Variants in KCNC2 observed in about 807,000 individuals in gnomAD.
KCNC2 encodes the protein voltage-gated potassium channel KCNC2.
A neutral mutation model predicts 44.5 loss-of-function variants in KCNC2; 21 were observed. The ratio of observed to expected loss-of-function variants is 0.47; its 90% CI spans 0.33 to 0.68. The LOEUF (loss-of-function observed/expected upper bound fraction) is 0.68. Among genes scored for constraint, KCNC2 ranks in the 30% least tolerant of loss-of-function variants. The probability of loss-of-function intolerance (pLI) is 0.01; values close to 1 mark genes in which losing one functional copy is unlikely to be tolerated. For synonymous variants in KCNC2, 391 were observed against 339.1 expected, an observed-to-expected ratio of 1.15 and a Z score of -1.68; for missense variants, 589 against 826.2, an observed-to-expected ratio of 0.71 and a Z score of 3.52.
At chr12:75,178,088 T>C (rs1892317667) in intron 2 of KCNC2, among the ~76,000 whole-genome samples, 1 of 152,010 alleles carries the variant, frequency 6.6e-6, no homozygotes, top group Admixed American at 6.6e-5. Context: ...TCCTCTCAAC[T>C]TGCACATTAT....
At chr12:75,096,932 C>A (rs2137158830) in intron 2 of KCNC2, among the ~76,000 whole-genome samples, 1 of 152,004 alleles carries the variant, frequency 6.6e-6, no homozygotes, top group South Asian at 2.1e-4. Context: ...TGAGATATAT[C>A]CACACAAAAC....
chr12:75,055,483 G>A (rs770730756), intron 2 of KCNC2, among the ~76,000 whole-genome samples: 1 of 151,910 alleles, frequency 6.6e-6, no homozygotes, highest in Non-Finnish European at 1.5e-5. Context: ...TTTTCCCTGT[G>A]ATAAGACCAA....
At chr12:75,202,850 A>C (rs1397387262) in intron 2 of KCNC2, among the ~76,000 whole-genome samples, 1 of 150,540 alleles carries the variant, frequency 6.6e-6, no homozygotes, top group Non-Finnish European at 1.5e-5. Flanking sequence ...TATTTGCCAT[A>C]ATCTTGTTTT....
intron 2 of KCNC2, among the ~76,000 whole-genome samples, chr12:75,154,887 C>A (rs1890650770): frequency 6.6e-6 from 1 of 151,914 alleles, no homozygotes; most frequent in African/African-American, 2.4e-5. Context: ...TGCAAGATTT[C>A]TTTTACATTT....
chr12:75,051,417 AAC>A (rs1881160350), intron 2 of KCNC2, 100 bp from the exon 3 acceptor site: 5 of 704,210 alleles, frequency 7.1e-6, no homozygotes. Context: ...AAAAAAGAAT[AAC>A]AGCATATTTA....
chr12:75,092,031 T>A, intron 2 of KCNC2, among the ~76,000 whole-genome samples: 1 of 151,638 alleles, frequency 6.6e-6, no homozygotes, highest in Non-Finnish European at 1.5e-5. Flanking sequence ...ATAACCATGT[T>A]TCTCAAAATG....
At chr12:75,192,410 A>C (rs1276971346) in intron 2 of KCNC2, among the ~76,000 whole-genome samples, 8 of 152,202 alleles carry the variant, frequency 5.3e-5, no homozygotes, top group Non-Finnish European at 1.2e-4. Context: ...TAAAAACTTA[A>C]AGTACACTAA....
At chr12:75,067,903 T>C (rs1489997253) in intron 2 of KCNC2, among the ~76,000 whole-genome samples, 1 of 152,180 alleles carries the variant, frequency 6.6e-6, no homozygotes, top group African/African-American at 2.4e-5. Flanking sequence ...TTTTTTTATG[T>C]TCTCCGTCTT....
chr12:75,150,551 T>C (rs1890317172), intron 2 of KCNC2, among the ~76,000 whole-genome samples: 1 of 151,938 alleles, frequency 6.6e-6, no homozygotes, highest in Non-Finnish European at 1.5e-5. Context: ...AGTTGATCTT[T>C]CCTATAAGCA....
intron 2 of KCNC2, among the ~76,000 whole-genome samples, chr12:75,152,979 G>A (rs1565896199): frequency 6.6e-6 from 1 of 152,070 alleles, no homozygotes; most frequent in South Asian, 2.1e-4. Context: ...ACTGGGTTGG[G>A]GGCGACGTGA....
intron 2 of KCNC2, among the ~76,000 whole-genome samples, chr12:75,169,104 T>C (rs1391519333): frequency 1.3e-5 from 2 of 151,562 alleles, no homozygotes; most frequent in East Asian, 1.9e-4. Flanking sequence ...GGAGCCTTCT[T>C]TTCTGAAGCC....
chr12:75,110,788 A>T (rs1040027560), intron 2 of KCNC2, among the ~76,000 whole-genome samples: 6 of 152,058 alleles, frequency 3.9e-5, no homozygotes, highest in Admixed American at 1.3e-4. Context: ...AAAGTTATAA[A>T]GTTGTAAAGC....
At chr12:75,184,642 G>A (rs1015205368) in intron 2 of KCNC2, among the ~76,000 whole-genome samples, 33 of 152,028 alleles carry the variant, frequency 2.2e-4, no homozygotes, top group African/African-American at 7.2e-4. Context: ...TATGTTGCTT[G>A]ATAAAAAAAA....
chr12:75,074,232 ATTT>A lies in KCNC2; in HGVS notation c.688-22918_688-22916del, dbSNP rs5799196. On this transcript the variant is annotated intron_variant, in intron 2 of 4. Coordinates refer to ENST00000549446, the MANE Select transcript of KCNC2 (RefSeq NM_139137.4). The stretch of plus-strand genomic sequence containing the variant: ...AAAGAAGATCTAAGACTACTCATAG[ATTT>A]TTTTTTTTTTTTTTTTTTTTGGCCA... Among the ~76,000 whole-genome samples the A allele has an allele frequency of 3.8e-3, 365 of 94,836 alleles. 1 individual carries two copies. The highest frequency in any genetic ancestry group is 0.026 in the Middle Eastern group (4 of 156). The allele number at this position is 94,836 out of a possible 152,430, so 62.2% of individuals were successfully genotyped here.
chr12:75,115,013 G>A (rs565955112), intron 2 of KCNC2, among the ~76,000 whole-genome samples: 3 of 151,860 alleles, frequency 2.0e-5, no homozygotes, highest in South Asian at 4.2e-4. Flanking sequence ...ACAGGCGCCC[G>A]CCACCACGCC....
intron 2 of KCNC2, among the ~76,000 whole-genome samples, chr12:75,132,772 T>C (rs1888945984): frequency 6.6e-6 from 1 of 152,124 alleles, no homozygotes; most frequent in Admixed American, 6.6e-5. Flanking sequence ...AGTGATACAT[T>C]TGTATGTCTT....
intron 2 of KCNC2, among the ~76,000 whole-genome samples, chr12:75,101,007 G>T (rs1886328329): frequency 6.6e-6 from 1 of 152,012 alleles, no homozygotes; most frequent in Non-Finnish European, 1.5e-5. Flanking sequence ...TCTGTTACAA[G>T]GGTATTGATA....
chr12:75,045,578 C>T (rs971181537), intron 4 of KCNC2, among the ~76,000 whole-genome samples: 3 of 151,800 alleles, frequency 2.0e-5, no homozygotes, highest in African/African-American at 7.2e-5. Flanking sequence ...AAATATAATT[C>T]ATGAGGGTAA....
At chr12:75,146,180 T>A (rs1890015949) in intron 2 of KCNC2, among the ~76,000 whole-genome samples, 1 of 152,162 alleles carries the variant, frequency 6.6e-6, no homozygotes, top group Non-Finnish European at 1.5e-5. Context: ...GGTCTCGATC[T>A]CCTGACCTCA....
Sources: gnomAD v4.1 joint callset for allele counts (sites outside exome capture counted in the v4.1 genomes callset) on GRCh38, gnomAD v4.1.1 for gene constraint, MANE v1.5 for transcripts, NCBI Gene and HGNC (gene_info 2026-07-23, HGNC 2026-07-21) for gene names.